ULK2: variants seen among roughly 807,000 people sequenced by gnomAD.
The protein encoded by ULK2 is serine/threonine-protein kinase ULK2.
ULK2 carries 76 observed loss-of-function variants against 127.5 expected under a neutral mutation model. The ratio of observed to expected loss-of-function variants is 0.60; its 90% CI spans 0.50 to 0.72. The LOEUF is 0.72. Among genes scored for constraint, ULK2 ranks in the 30% least tolerant of loss-of-function variants. The pLI is 0.00. For missense variants in ULK2, 1,144 were observed against 1,295.9 expected, an observed-to-expected ratio of 0.88 and a Z score of 1.80; for synonymous variants, 452 against 461.9, an observed-to-expected ratio of 0.98 and a Z score of 0.28.
chr17:19,797,307 A>G, intron 18 of ULK2, 89 bp downstream of exon 18: 1 of 1,379,382 alleles, frequency 7.2e-7, no homozygotes. Context: ...AAAAAATAAA[A>G]TAAAAAAATT....
chr17:19,800,291 C>CT lies in ULK2; in HGVS notation c.1442-717dup, dbSNP rs752838395. ...TAATATGTTCTATGCATCCATTTCT[C>CT]TGAGAATTAAAACTAACACAGAGAG... On this transcript the variant is annotated intron_variant, in intron 16 of 26. Coordinates refer to ENST00000395544, the MANE Select transcript of ULK2 (RefSeq NM_014683.4). Among the ~76,000 whole-genome samples the CT allele has an allele frequency of 1.1e-3, 166 of 152,280 alleles. 1 individual carries two copies. Among genetic ancestry groups the CT allele is most frequent in the Admixed American group, 2.7e-3 (41 of 15,292 alleles).
chr17:19,817,156 G>A (rs938682127), intron 12 of ULK2, among the ~76,000 whole-genome samples: 2 of 152,036 alleles, frequency 1.3e-5, no homozygotes, highest in African/African-American at 2.4e-5. Flanking sequence ...AAAATATATC[G>A]TACCACTTAT....
At chr17:19,856,644 A>G (rs2042134338) in intron 3 of ULK2, among the ~76,000 whole-genome samples, 1 of 151,270 alleles carries the variant, frequency 6.6e-6, no homozygotes, top group South Asian at 2.1e-4. Flanking sequence ...TCCTTTTTAT[A>G]TATGTCAATT....
chr17:19,862,045 T>C (rs1290070285), intron 3 of ULK2, among the ~76,000 whole-genome samples: 1 of 152,196 alleles, frequency 6.6e-6, no homozygotes, highest in Non-Finnish European at 1.5e-5. Context: ...TCAGAAGATA[T>C]ACATAATTCT....
intron 17 of ULK2, among the ~76,000 whole-genome samples, chr17:19,798,288 G>A (rs1302401163): frequency 1.3e-5 from 2 of 152,110 alleles, no homozygotes; most frequent in African/African-American, 4.8e-5. Context: ...ACTTAAAACC[G>A]AAAGCATCCA....
Position 19,799,541 on chromosome 17 carries a change from G to A in ULK2, c.1476C>T (p.Cys492=), listed in dbSNP as rs772558394. Residue 492 remains cysteine, a synonymous_variant, in exon 17 of 27, where the codon TGC becomes TGT. Coordinates refer to ENST00000395544, the MANE Select transcript of ULK2 (RefSeq NM_014683.4). ...AGTCATGGCCCTGAGGATGCCCACA[G>A]CAGCACTGACTGAATTGCTCAGGAA... The part of the protein sequence containing the change: ...GTIPEQFSQC[C]CGHPQGHDSR... The A allele has an allele frequency of 6.4e-7, 1 of 1,573,366 alleles. No homozygotes were observed. The highest frequency in any genetic ancestry group is 2.3e-5 in the East Asian group (1 of 44,008).
chr17:19,823,146 AG>A (rs2041203054), intron 12 of ULK2, among the ~76,000 whole-genome samples: 1 of 9,238 alleles, frequency 1.1e-4, no homozygotes. Flanking sequence ...TTTTTTTTTT[AG>A]TAGAGATGGG....
At chr17:19,858,005 T>C (rs1308548306) in intron 3 of ULK2, among the ~76,000 whole-genome samples, 1 of 152,042 alleles carries the variant, frequency 6.6e-6, no homozygotes, top group South Asian at 2.1e-4. Flanking sequence ...TCTACAGATA[T>C]CATTTCCCCA....
At chr17:19,827,355 A>G (rs1412269675) in intron 10 of ULK2, among the ~76,000 whole-genome samples, 3 of 152,184 alleles carry the variant, frequency 2.0e-5, no homozygotes, top group Non-Finnish European at 2.9e-5. Context: ...TAGTAAGGTG[A>G]GGGACTAGAA....
At chr17:19,802,264 A>G (rs1261911459) in intron 15 of ULK2, among the ~76,000 whole-genome samples, 1 of 152,224 alleles carries the variant, frequency 6.6e-6, no homozygotes, top group Non-Finnish European at 1.5e-5. Context: ...TTACATATCA[A>G]TCATTTTGAA....
At position 19,839,164 on chromosome 17, in the gene ULK2, G is replaced by C. The variant is rs114127865; in HGVS notation, c.705-581C>G. Reference sequence around the variant, plus strand: ...TAAGGCACCTCAAAAGCCCAATGTTGACTTTTAGCATAGCTTCAATCTTGC... The same window carrying C: ...TAAGGCACCTCAAAAGCCCAATGTTCACTTTTAGCATAGCTTCAATCTTGC... On this transcript the variant is annotated intron_variant, in intron 9 of 26. Transcript: ENST00000395544. Among the ~76,000 whole-genome samples the C allele has an allele frequency of 4.3e-3, 654 of 152,208 alleles. 4 individuals carry two copies. The highest frequency in any genetic ancestry group is 0.015 in the African/African-American group (627 of 41,522).
chr17:19,798,995 T>C (rs2087335849), intron 17 of ULK2, among the ~76,000 whole-genome samples: 1 of 151,316 alleles, frequency 6.6e-6, no homozygotes, highest in African/African-American at 2.4e-5. Context: ...ACCCCGTCTC[T>C]ACTAAAAATA....
At chr17:19,833,127 G>GAAAAAAAAAAAAA (rs71157837) in intron 10 of ULK2, among the ~76,000 whole-genome samples, 3 of 115,488 alleles carry the variant, frequency 2.6e-5, no homozygotes, top group African/African-American at 1.1e-4. Context: ...TGTCTCAAAG[G>GAAAAAAAAAAAAA]AAAAAAAAAA....
chr17:19,845,071 A>G (rs138163387), intron 7 of ULK2, among the ~76,000 whole-genome samples: 7 of 152,216 alleles, frequency 4.6e-5, no homozygotes, highest in African/African-American at 1.7e-4. Flanking sequence ...TCTCATAACT[A>G]ATCTTTTTTA....
chr17:19,807,175 C>G (rs1179828958), intron 14 of ULK2, among the ~76,000 whole-genome samples: 2 of 152,194 alleles, frequency 1.3e-5, no homozygotes, highest in Non-Finnish European at 2.9e-5. Context: ...GTTGTGAGCT[C>G]ATGCTCATGA....
intron 13 of ULK2, among the ~76,000 whole-genome samples, chr17:19,815,935 A>T (rs1276585300): frequency 6.6e-6 from 1 of 152,202 alleles, no homozygotes; most frequent in Non-Finnish European, 1.5e-5. Context: ...CAGTTCTCAT[A>T]ATGCTGGTTA....
At chr17:19,798,936 G>A (rs2087333647) in intron 17 of ULK2, among the ~76,000 whole-genome samples, 2 of 151,778 alleles carry the variant, frequency 1.3e-5, no homozygotes, top group Non-Finnish European at 2.9e-5. Flanking sequence ...GCCGAGGCGG[G>A]TGTATCACAG....
chr17:19,780,859 T>C, intron 24 of ULK2, 127 bp downstream of exon 24: 2 of 1,041,086 alleles, frequency 1.9e-6, no homozygotes, highest in South Asian at 3.2e-5. Flanking sequence ...ACCCAGCATC[T>C]TTTCCCTTTA....
intron 3 of ULK2, among the ~76,000 whole-genome samples, chr17:19,862,734 G>C (rs1213246870): frequency 1.3e-5 from 2 of 152,040 alleles, no homozygotes; most frequent in African/African-American, 2.4e-5. Context: ...CCAAAGTCCT[G>C]GGATTACAGG....
Sources: gnomAD v4.1 joint callset for allele counts (sites outside exome capture counted in the v4.1 genomes callset) on GRCh38, gnomAD v4.1.1 for gene constraint, MANE v1.5 for transcripts, NCBI Gene and HGNC (gene_info 2026-07-23, HGNC 2026-07-21) for gene names.